The following PPP6R3 variants were observed in gnomAD, a reference collection of about 807,000 sequenced individuals.
PPP6R3 encodes protein phosphatase 6 regulatory subunit 3, also known as serine/threonine-protein phosphatase 6 regulatory subunit 3.
Under a neutral mutation model 110.7 loss-of-function variants are expected in PPP6R3, and 38 were observed. The ratio of observed to expected loss-of-function variants is 0.34; its 90% CI spans 0.26 to 0.45. The LOEUF is 0.45. Ranked by LOEUF, PPP6R3 falls within the 20% of genes least tolerant of loss-of-function variation. The pLI is 1.00. For missense variants in PPP6R3, 870 were observed against 1,062.4 expected (o/e 0.82, Z 2.52); for synonymous variants, 369 against 373.5 (o/e 0.99, Z 0.14).
chr11:68,604,241 T>C (rs759674619), intron 22 of PPP6R3, among the ~76,000 whole-genome samples: 92 of 152,242 alleles, frequency 6.0e-4, no homozygotes, highest in Non-Finnish European at 8.8e-4. Context: ...TAGCAATGTA[T>C]TTTAAAGTCA....
At chr11:68,556,174 A>C (rs1402303540) in intron 7 of PPP6R3, among the ~76,000 whole-genome samples, 1 of 152,214 alleles carries the variant, frequency 6.6e-6, no homozygotes, top group African/African-American at 2.4e-5. Flanking sequence ...CAGGTAACCC[A>C]CAGTGTGGAC....
At chr11:68,586,984 A>T (rs565790291) in intron 15 of PPP6R3, 31 of 152,380 alleles carry the variant, frequency 2.0e-4, no homozygotes, top group African/African-American at 7.2e-4. Flanking sequence ...AGAAAACGGC[A>T]GTCTCATCTG....
At chr11:68,543,981 T>C (rs79964044) in intron 3 of PPP6R3, among the ~76,000 whole-genome samples, 415 of 152,316 alleles carry the variant, frequency 2.7e-3, no homozygotes, top group African/African-American at 9.6e-3. Context: ...GCAGGTGTCA[T>C]GTTCTTAGCC....
chr11:68,607,561 T>C (rs1219670458), intron 22 of PPP6R3, among the ~76,000 whole-genome samples: 1 of 152,258 alleles, frequency 6.6e-6, no homozygotes, highest in Non-Finnish European at 1.5e-5. Context: ...CTGGGATTAT[T>C]ATCCCTGCTT....
At chr11:68,482,631 A>G (rs1428060149) in intron 1 of PPP6R3, among the ~76,000 whole-genome samples, 1 of 152,032 alleles carries the variant, frequency 6.6e-6, no homozygotes, top group Non-Finnish European at 1.5e-5. Context: ...TTTTTATTCA[A>G]CTGACTTTGT....
At chr11:68,465,823 C>G (rs2098741414) in intron 1 of PPP6R3, among the ~76,000 whole-genome samples, 1 of 152,164 alleles carries the variant, frequency 6.6e-6, no homozygotes, top group Admixed American at 6.5e-5. Flanking sequence ...TTTGTTTAAA[C>G]TTTGGGTGGT....
intron 1 of PPP6R3, among the ~76,000 whole-genome samples, chr11:68,471,820 C>G (rs1223528350): frequency 1.3e-5 from 2 of 151,864 alleles, no homozygotes; most frequent in Non-Finnish European, 2.9e-5. Flanking sequence ...GGGTGGGTGC[C>G]CATGTGGAGA....
At chr11:68,557,255 G>T (rs2099403079) in intron 7 of PPP6R3, among the ~76,000 whole-genome samples, 1 of 152,170 alleles carries the variant, frequency 6.6e-6, no homozygotes. Flanking sequence ...AATTATTGCT[G>T]GTCTGAGAGT....
intron 14 of PPP6R3, among the ~76,000 whole-genome samples, chr11:68,581,318 A>G (rs1406340549): frequency 1.3e-5 from 2 of 152,220 alleles, no homozygotes; most frequent in Non-Finnish European, 2.9e-5. Flanking sequence ...TAGTAGTTCA[A>G]TAAAAGTTAG....
At chr11:68,571,705 T>G (rs1452851627) in intron 12 of PPP6R3, among the ~76,000 whole-genome samples, 2 of 152,216 alleles carry the variant, frequency 1.3e-5, no homozygotes, top group African/African-American at 4.8e-5. Flanking sequence ...ACCCCGTAGA[T>G]TCTGAAGCAT....
chr11:68,539,784 C>T (rs1043354811), intron 3 of PPP6R3, among the ~76,000 whole-genome samples: 1 of 152,142 alleles, frequency 6.6e-6, no homozygotes. Flanking sequence ...CAGATAAGAC[C>T]TCTGGAGAAA....
intron 18 of PPP6R3, among the ~76,000 whole-genome samples, chr11:68,594,455 G>A (rs942721978): frequency 1.3e-5 from 2 of 152,134 alleles, no homozygotes; most frequent in Non-Finnish European, 2.9e-5. Context: ...CCAGGAGTTC[G>A]AGACCAGCTC....
chr11:68,530,969 G>T (rs1015906913), intron 2 of PPP6R3, among the ~76,000 whole-genome samples: 6 of 151,944 alleles, frequency 3.9e-5, no homozygotes, highest in Non-Finnish European at 7.4e-5. Context: ...CTTTCTTCAG[G>T]GTTCTAATAG....
chr11:68,483,988 A>G (rs1363598388), intron 1 of PPP6R3, among the ~76,000 whole-genome samples: 2 of 152,118 alleles, frequency 1.3e-5, no homozygotes, highest in Non-Finnish European at 1.5e-5. Flanking sequence ...GCCTTTTCAT[A>G]TTGGCTTCTT....
At chr11:68,461,001 G>C (rs959615732) in intron 1 of PPP6R3, among the ~76,000 whole-genome samples, 174 bp downstream of exon 1, 1 of 151,724 alleles carries the variant, frequency 6.6e-6, no homozygotes, top group Non-Finnish European at 1.5e-5. Flanking sequence ...GCGCGGCGCC[G>C]AGTCCTTCCC....
chr11:68,580,195 T>C (rs1470542056), intron 14 of PPP6R3, among the ~76,000 whole-genome samples: 1 of 152,094 alleles, frequency 6.6e-6, no homozygotes, highest in East Asian at 1.9e-4. Context: ...CCCGTGTGGA[T>C]GTAACAGTAA....
At chr11:68,612,445 A>G (rs1356431311) in intron 23 of PPP6R3, among the ~76,000 whole-genome samples, 4 of 152,110 alleles carry the variant, frequency 2.6e-5, no homozygotes, top group African/African-American at 9.7e-5. Flanking sequence ...AATAGGTTAT[A>G]TATTCAGGTT....
intron 10 of PPP6R3, among the ~76,000 whole-genome samples, chr11:68,568,064 A>G (rs770631514): frequency 1.5e-4 from 23 of 152,146 alleles, no homozygotes; most frequent in Non-Finnish European, 2.6e-4. Flanking sequence ...TGCTTTATCA[A>G]CCACATCATT....
chr11:68,585,708 A>G (rs1328983705), intron 15 of PPP6R3, among the ~76,000 whole-genome samples: 4 of 152,214 alleles, frequency 2.6e-5, no homozygotes, highest in Non-Finnish European at 5.9e-5. Context: ...AATGAGGATT[A>G]CATCTGATCA....
Sources: allele counts gnomAD v4.1 joint callset (sites outside exome capture counted in the v4.1 genomes callset), GRCh38; gene constraint gnomAD v4.1.1; transcripts MANE v1.5; gene names NCBI Gene and HGNC (gene_info 2026-07-23, HGNC 2026-07-21).